Variants in RCBTB2 observed in about 807,000 individuals in gnomAD.
RCBTB2 encodes RCC1 and BTB domain-containing protein 2.
In RCBTB2, 55 loss-of-function variants were observed where a neutral mutation model predicts 65.4. The observed-to-expected ratio is 0.84, with a 90% CI of 0.68 to 1.05. The LOEUF (loss-of-function observed/expected upper bound fraction) is 1.05, where lower values mean the gene tolerates loss of function less well. RCBTB2 is among the 50% of genes least tolerant of loss of function. The probability of loss-of-function intolerance (pLI) is 0.00; values close to 1 mark genes in which losing one functional copy is unlikely to be tolerated. For synonymous variants in RCBTB2, 220 were observed against 255.2 expected, an observed-to-expected ratio of 0.86 and a Z score of 1.31; for missense variants, 599 against 680.1, an observed-to-expected ratio of 0.88 and a Z score of 1.33.
intron 4 of RCBTB2, among the ~76,000 whole-genome samples, chr13:48,521,158 AACT>A (rs1951403100): frequency 6.6e-6 from 1 of 152,186 alleles, no homozygotes; most frequent in Non-Finnish European, 1.5e-5. Context: ...TACTTTTGTA[AACT>A]ACTTTTGGAC....
chr13:48,493,313 A>ACTCTCTCTCTCTCTCTCTCTCTCTCT (rs1213235186), intron 14 of RCBTB2, among the ~76,000 whole-genome samples: 10 of 60,142 alleles, frequency 1.7e-4, no homozygotes, highest in East Asian at 1.2e-3. Context: ...ACACACACAC[A>ACTCTCTCTCTCTCTCTCTCTCTCTCT]CACTCTCTCT....
intron 14 of RCBTB2, among the ~76,000 whole-genome samples, chr13:48,492,067 T>C: frequency 6.6e-6 from 1 of 152,156 alleles, no homozygotes; most frequent in East Asian, 1.9e-4. Context: ...GTTTGCTCAT[T>C]CTCCTACAGG....
intron 1 of RCBTB2, among the ~76,000 whole-genome samples, chr13:48,527,855 T>G (rs547738543): frequency 6.6e-6 from 1 of 152,236 alleles, no homozygotes; most frequent in South Asian, 2.1e-4. Flanking sequence ...CTTTTGATAA[T>G]GTGATAAACA....
chr13:48,521,293 T>C (rs1191730148), intron 4 of RCBTB2, among the ~76,000 whole-genome samples: 2 of 152,236 alleles, frequency 1.3e-5, no homozygotes, highest in South Asian at 2.1e-4. Context: ...TACAGTTTTA[T>C]TGAATTTTGA....
intron 6 of RCBTB2, among the ~76,000 whole-genome samples, chr13:48,513,680 T>C (rs775801130): frequency 2.0e-5 from 3 of 152,250 alleles, no homozygotes; most frequent in Non-Finnish European, 4.4e-5. Context: ...TCAAATCTTC[T>C]ATAATCCCTG....
At chr13:48,494,388 T>C (rs189486101) in intron 14 of RCBTB2, among the ~76,000 whole-genome samples, 9 of 152,328 alleles carry the variant, frequency 5.9e-5, no homozygotes, top group Admixed American at 5.9e-4. Context: ...ATTATACTAA[T>C]TTAGGGTACA....
chr13:48,509,282 G>A (rs1036337634), intron 10 of RCBTB2, among the ~76,000 whole-genome samples: 4 of 152,140 alleles, frequency 2.6e-5, no homozygotes, highest in Non-Finnish European at 4.4e-5. Context: ...AGCCGTGATT[G>A]CACCACTGCA....
chr13:48,526,551 T>A (rs1487201566), intron 1 of RCBTB2, among the ~76,000 whole-genome samples: 1 of 151,862 alleles, frequency 6.6e-6, no homozygotes, highest in East Asian at 1.9e-4. Flanking sequence ...AAATAAATAA[T>A]TTTTTTAATG....
At chr13:48,519,249 A>C (rs1432033874) in intron 4 of RCBTB2, among the ~76,000 whole-genome samples, 2 of 152,008 alleles carry the variant, frequency 1.3e-5, no homozygotes, top group African/African-American at 2.4e-5. Flanking sequence ...CTATTCTCAG[A>C]CTCCTTAAGG....
At chr13:48,493,340 C>CTCTCTCT (rs756141334) in intron 14 of RCBTB2, among the ~76,000 whole-genome samples, 4 of 123,650 alleles carry the variant, frequency 3.2e-5, no homozygotes, top group East Asian at 2.5e-4. Flanking sequence ...CTCTCTCTCT[C>CTCTCTCT]TTCTCTTCTC....
At chr13:48,498,721 ACT>A (rs779726071) in intron 13 of RCBTB2, among the ~76,000 whole-genome samples, 1 of 147,608 alleles carries the variant, frequency 6.8e-6, no homozygotes, top group African/African-American at 2.7e-5. Context: ...CAAGAGTGAA[ACT>A]CTGTCTCAAA....
chr13:48,501,513 C>T (rs1236646558), intron 12 of RCBTB2, among the ~76,000 whole-genome samples: 3 of 152,150 alleles, frequency 2.0e-5, no homozygotes, highest in Non-Finnish European at 2.9e-5. Context: ...AAGGTGACCA[C>T]GCCACTTTTC....
intron 7 of RCBTB2, 69 bp downstream of exon 7, chr13:48,512,660 A>G: frequency 2.4e-6 from 3 of 1,248,442 alleles, no homozygotes; most frequent in Non-Finnish European, 3.4e-6. Context: ...TTGTATTTCC[A>G]GGACTACTAT....
At chr13:48,510,497 A>G in intron 10 of RCBTB2, 132 bp downstream of exon 10, 1 of 1,115,960 alleles carries the variant, frequency 9.0e-7, no homozygotes, top group South Asian at 1.9e-5. Context: ...ATTTTTCTAA[A>G]GGAATAAATA....
intron 14 of RCBTB2, among the ~76,000 whole-genome samples, chr13:48,494,763 T>C (rs1949896459): frequency 6.6e-6 from 1 of 152,218 alleles, no homozygotes; most frequent in Admixed American, 6.5e-5. Context: ...GCATGGATTT[T>C]GTCTGACCAT....
chr13:48,513,362 C>T (rs1186294026), intron 6 of RCBTB2, among the ~76,000 whole-genome samples: 1 of 152,114 alleles, frequency 6.6e-6, no homozygotes, highest in Non-Finnish European at 1.5e-5. Context: ...AAAGCACACA[C>T]CCATGTACTA....
intron 7 of RCBTB2, 35 bp from the exon 8 acceptor site, chr13:48,512,209 T>G (rs1950841202): frequency 6.3e-7 from 1 of 1,583,168 alleles, no homozygotes; most frequent in African/African-American, 1.3e-5. Flanking sequence ...TGAAACAGAT[T>G]AATTTATAAA....
At chr13:48,535,786 A>G (rs749184104), upstream of RCBTB2, 3 of 456,394 alleles carry the variant, frequency 6.6e-6, no homozygotes, top group Admixed American at 2.4e-5. Context: ...TGGTTCGTCC[A>G]TCTCACTGGC....
At chr13:48,525,418 A>G (rs1314945824) in intron 1 of RCBTB2, among the ~76,000 whole-genome samples, 1 of 106,576 alleles carries the variant, frequency 9.4e-6, no homozygotes, top group Non-Finnish European at 2.0e-5. Context: ...ATATATATAT[A>G]TTCAGTTATA....
Sources: allele counts gnomAD v4.1 joint callset (sites outside exome capture counted in the v4.1 genomes callset), GRCh38; gene constraint gnomAD v4.1.1; transcripts MANE v1.5; gene names NCBI Gene and HGNC (gene_info 2026-07-23, HGNC 2026-07-21).